CAPN9: variants seen among roughly 807,000 people sequenced by gnomAD.
CAPN9 encodes the protein calpain-9.
CAPN9 carries 81 observed loss-of-function variants against 92.8 expected under a neutral mutation model. The observed-to-expected ratio is 0.87, with a 90% CI of 0.73 to 1.05. CAPN9 has a LOEUF of 1.05. Ranked by LOEUF, CAPN9 falls within the 50% of genes least tolerant of loss-of-function variation. The pLI is 0.00. For missense variants in CAPN9, 848 were observed against 866.2 expected (o/e 0.98, Z 0.26); for synonymous variants, 304 against 328.0 (o/e 0.93, Z 0.79).
chr1:230,767,338 T>C (rs1451503542), intron 4 of CAPN9, among the ~76,000 whole-genome samples: 1 of 152,152 alleles, frequency 6.6e-6, no homozygotes, highest in East Asian at 1.9e-4. Context: ...ACTGCCTCCC[T>C]TGCAGGAAGG....
intron 6 of CAPN9, 63 bp downstream of exon 6, chr1:230,769,326 G>A (rs1004750209): frequency 1.6e-6 from 2 of 1,212,994 alleles, no homozygotes; most frequent in African/African-American, 3.0e-5. Context: ...AATCCCTTAG[G>A]CATTTATTCA....
At position 230,769,182 on chromosome 1, in the gene CAPN9, C is replaced by A; in HGVS notation, c.708C>A (p.Thr236=). 1 of 1,613,524 alleles carries A rather than the reference C, an allele frequency of 6.2e-7. No individual in the cohort carries two copies. The highest frequency in any genetic ancestry group is 8.5e-7 in the Non-Finnish European group (1 of 1,179,494). Reference sequence around the variant, plus strand: ...ACTCTGCTCTTTCCATGTTTTAGACCAGAAGTGCTGCAGAATCTGAGGCCC... The same window carrying A: ...ACTCTGCTCTTTCCATGTTTTAGACAAGAAGTGCTGCAGAATCTGAGGCCC... ...RGSLLGCFID[T]RSAAESEART... The change falls in exon 6 of 20, where the codon ACC becomes ACA. Residue 236 remains threonine (T), a splice_region_variant and synonymous_variant. Transcript: ENST00000271971.
intron 1 of CAPN9, among the ~76,000 whole-genome samples, chr1:230,752,968 T>A (rs1031495842): frequency 2.0e-5 from 3 of 152,162 alleles, no homozygotes; most frequent in Non-Finnish European, 2.9e-5. Flanking sequence ...CCCACTGACA[T>A]GGTCCTGGTT....
intron 1 of CAPN9, among the ~76,000 whole-genome samples, chr1:230,754,779 C>A (rs1665119242): frequency 6.6e-6 from 1 of 152,164 alleles, no homozygotes; most frequent in South Asian, 2.1e-4. Context: ...CATGTCACTG[C>A]ACTCCAGCCT....
intron 1 of CAPN9, among the ~76,000 whole-genome samples, chr1:230,747,910 C>A (rs4078405): frequency 6.6e-5 from 10 of 152,026 alleles, no homozygotes; most frequent in Admixed American, 1.3e-4. Context: ...GGTGGGGACC[C>A]GGGGCATCTG....
chr1:230,769,539 G>A (rs1666240082), intron 6 of CAPN9, among the ~76,000 whole-genome samples: 1 of 152,084 alleles, frequency 6.6e-6, no homozygotes, highest in Admixed American at 6.5e-5. Flanking sequence ...CTTCAGTCCT[G>A]TGTTAGTCAG....
chr1:230,781,398 G>A lies in CAPN9; in HGVS notation c.1481+690G>A, dbSNP rs773104576. On this transcript the variant is annotated intron_variant, in intron 11 of 19. Coordinates refer to ENST00000271971, the MANE Select transcript of CAPN9 (RefSeq NM_006615.3). The stretch of plus-strand genomic sequence containing the variant: ...GCTAGACATTTCTGGGCATGATGAA[G>A]GGGGTGGCTATTGCAAATTTCAAGA... 9.3e-4 allele frequency among the ~76,000 whole-genome samples: 142 copies of A among 152,310 alleles called. 2 individuals are homozygous for A. The Middle Eastern group carries it at 0.044, about 47-fold the overall frequency.
intron 14 of CAPN9, 58 bp from the exon 15 acceptor site, chr1:230,791,806 G>A: frequency 7.4e-7 from 1 of 1,358,864 alleles, no homozygotes; most frequent in Non-Finnish European, 1.1e-6. Flanking sequence ...TTCAGCAGAT[G>A]GGTACATAGG....
rs773751631 is a variant in CAPN9, at chr1:230,792,885, C to T, written c.1827C>T (p.Gly609=). The T allele has an allele frequency of 6.2e-7, 1 of 1,614,084 alleles. No homozygotes were observed. The highest frequency in any genetic ancestry group is 1.1e-5 in the South Asian group (1 of 91,084). Residue 609 remains glycine (G), a synonymous_variant, in exon 17 of 20, where the codon GGC becomes GGT. Transcript: ENST00000271971. ...LFLRFDADKS[G]TMSTYELRTA... is the part of the protein sequence containing the mutation. ...TTCGGTTTGATGCTGACAAGTCCGG[C>T]ACCATGTCTACCTATGAACTACGGA...
intron 1 of CAPN9, among the ~76,000 whole-genome samples, chr1:230,750,286 C>A (rs1405819160): frequency 6.6e-6 from 1 of 152,196 alleles, no homozygotes; most frequent in Non-Finnish European, 1.5e-5. Flanking sequence ...ACGGCAGACC[C>A]TTTATTGATC....
rs761377551 is a variant in CAPN9, at chr1:230,780,713, G to T, written c.1481+5G>T. The T allele has an allele frequency of 1.2e-6, 2 of 1,612,890 alleles. No individual in the cohort carries two copies. Among genetic ancestry groups the T allele is most frequent in the South Asian group, 2.2e-5 (2 of 91,046 alleles). On this transcript the variant is annotated splice_donor_5th_base_variant and intron_variant, in intron 11 of 19. Coordinates refer to ENST00000271971, the MANE Select transcript of CAPN9 (RefSeq NM_006615.3). ...AGAGAAAAAAGCCATTACCCGGTGA[G>T]TCAGAGGAACAGCTTCCAGAATCCC...
chr1:230,755,224 C>A, intron 1 of CAPN9, 113 bp from the exon 2 acceptor site: 1 of 805,218 alleles, frequency 1.2e-6, no homozygotes, highest in Non-Finnish European at 2.0e-6. Flanking sequence ...GGAAAAGAAT[C>A]AAGCACAGGG....
Position 230,785,993 on chromosome 1 carries a change from A to G in CAPN9, c.1494A>G (p.Gly498=), listed in dbSNP as rs1361240272. Residue 498 remains glycine (G), a synonymous_variant, in exon 12 of 20, where the codon GGA becomes GGG. Coordinates refer to ENST00000271971, the MANE Select transcript of CAPN9 (RefSeq NM_006615.3). ...TCTGCCCCTACAGGGATATGGATGG[A>G]AATGTAGACATTGACCTTCCTGAGG... The part of the protein sequence containing the change: ...EKKAITRDMD[G]NVDIDLPEPP... The G allele has an allele frequency of 6.2e-7, 1 of 1,613,906 alleles. No individual in the cohort carries two copies. The highest frequency in any genetic ancestry group is 8.5e-7 in the Non-Finnish European group (1 of 1,179,884).
chr1:230,778,850 C>T, intron 8 of CAPN9, 123 bp from the exon 9 acceptor site: 1 of 877,966 alleles, frequency 1.1e-6, no homozygotes, highest in East Asian at 2.8e-5. Context: ...TTGCAGTCCC[C>T]CCACTCCTTG....
chr1:230,759,517 T>G lies in CAPN9; in HGVS notation c.289T>G (p.Cys97Gly), dbSNP rs372966497. ...TTATGGCTTCCATTTTGCAGGAGAC[T>G]GCTGGCTATTAGCCGCCATCGCCTC... ...TDICQGELGD[C>G]WLLAAIASLT... Residue 97 changes from cysteine (C) to glycine (G), a missense_variant, in exon 3 of 20, where the codon TGC (cysteine) becomes GGC (glycine). Coordinates refer to ENST00000271971, the MANE Select transcript of CAPN9 (RefSeq NM_006615.3). 3.1e-6 allele frequency: 5 copies of G among 1,605,970 alleles called. No individual in the cohort carries two copies. The African/African-American group carries it at 6.7e-5, about 22-fold the overall frequency.
intron 13 of CAPN9, among the ~76,000 whole-genome samples, chr1:230,788,123 G>A (rs1667736416): frequency 6.6e-6 from 1 of 152,190 alleles, no homozygotes; most frequent in African/African-American, 2.4e-5. Context: ...AAAGTGCTGG[G>A]ATTACAGTCA....
At chr1:230,764,428 CTT>C (rs1665836870) in intron 4 of CAPN9, among the ~76,000 whole-genome samples, 1 of 152,206 alleles carries the variant, frequency 6.6e-6, no homozygotes, top group Non-Finnish European at 1.5e-5. Context: ...ATTCTCAGGC[CTT>C]TGGACTCAAA....
At chr1:230,759,717 G>A in intron 3 of CAPN9, 87 bp downstream of exon 3, 1 of 808,710 alleles carries the variant, frequency 1.2e-6, no homozygotes, top group Admixed American at 2.7e-5. Context: ...GGTAACCCTA[G>A]AAAAAAATGT....
intron 1 of CAPN9, 149 bp downstream of exon 1, chr1:230,747,858 G>A (rs1180119823): frequency 6.8e-6 from 5 of 738,896 alleles, no homozygotes; most frequent in Non-Finnish European, 9.1e-6. Context: ...AAGCTTTGCA[G>A]TTTGGAGGCA....
Sources: allele counts gnomAD v4.1 joint callset (sites outside exome capture counted in the v4.1 genomes callset), GRCh38; gene constraint gnomAD v4.1.1; transcripts MANE v1.5; gene names NCBI Gene and HGNC (gene_info 2026-07-23, HGNC 2026-07-21).